Variants in MDFIC2 observed in about 807,000 individuals in gnomAD.
MDFIC2 encodes myoD family inhibitor domain-containing protein 2.
chr3:70,310,023 T>G (rs975143792), intron 2 of MDFIC2, among the ~76,000 whole-genome samples: 1 of 152,208 alleles, frequency 6.6e-6, no homozygotes, highest in African/African-American at 2.4e-5. Flanking sequence ...AATATGAACT[T>G]CACCATAAGT....
chr3:70,213,155 A>G (rs1353289246), intron 2 of MDFIC2, among the ~76,000 whole-genome samples: 1 of 151,488 alleles, frequency 6.6e-6, no homozygotes, highest in African/African-American at 2.4e-5. Flanking sequence ...GTTTTTCTTT[A>G]TAGAGACAGG....
chr3:70,276,634 G>T (rs9863812), intron 2 of MDFIC2, among the ~76,000 whole-genome samples: 94,269 of 151,712 alleles, frequency 0.62, 30,792 homozygotes, highest in Non-Finnish European at 0.74. Flanking sequence ...AATAATCTAA[G>T]GTAGAGGTCG....
rs1397508048 is a variant in MDFIC2, at chr3:70,267,577, TA to T, written c.88+44308del. ...GCCACCATGCCCGGCTAATTTTTTG[TA>T]TTTTTTTTTTTTTTTTTTTAGTAAA... is the stretch of plus-strand genomic sequence containing the variant. On this transcript the variant is annotated intron_variant, in intron 2 of 3. Transcript: ENST00000567252. Among the ~76,000 whole-genome samples the T allele has an allele frequency of 1.1e-4, 9 of 84,846 alleles. 1 individual carries two copies. The highest frequency in any genetic ancestry group is 2.0e-4 in the African/African-American group (4 of 20,272). 55.7% of individuals were successfully genotyped at this position (84,846 alleles called of 152,430 possible).
chr3:70,204,110 C>T (rs1282443004), intron 3 of MDFIC2, among the ~76,000 whole-genome samples: 1 of 152,118 alleles, frequency 6.6e-6, no homozygotes, highest in African/African-American at 2.4e-5. Context: ...CTTTTCCATC[C>T]TGTTTTAAGT....
intron 2 of MDFIC2, among the ~76,000 whole-genome samples, chr3:70,269,457 C>T (rs1043788612): frequency 1.3e-5 from 2 of 152,136 alleles, no homozygotes; most frequent in Non-Finnish European, 2.9e-5. Context: ...TCAAGTAAGG[C>T]AAATGCTGAA....
chr3:70,308,309 C>G (rs1256184159), intron 2 of MDFIC2, among the ~76,000 whole-genome samples: 1 of 151,990 alleles, frequency 6.6e-6, no homozygotes, highest in Non-Finnish European at 1.5e-5. Flanking sequence ...ATCTTCCCAT[C>G]TTCTCCAAAA....
chr3:70,243,736 T>C (rs976098682), intron 2 of MDFIC2, among the ~76,000 whole-genome samples: 1 of 152,106 alleles, frequency 6.6e-6, no homozygotes, highest in Non-Finnish European at 1.5e-5. Context: ...TGGGCATCAC[T>C]GATCTAAAGC....
chr3:70,303,072 TTAAAG>T (rs1702365972), intron 2 of MDFIC2, among the ~76,000 whole-genome samples: 1 of 152,170 alleles, frequency 6.6e-6, no homozygotes, highest in Non-Finnish European at 1.5e-5. Flanking sequence ...GCCAATACAT[TTAAAG>T]TAAGTATTCT....
chr3:70,307,636 C>T (rs773998876), intron 2 of MDFIC2, among the ~76,000 whole-genome samples: 8 of 152,110 alleles, frequency 5.3e-5, no homozygotes, highest in Admixed American at 2.0e-4. Flanking sequence ...CTAAATGTAG[C>T]TGTGTGTATT....
Position 70,311,886 on chromosome 3 carries a change from C to T in MDFIC2, c.88G>A (p.Asp30Asn), listed in dbSNP as rs912849147. The change falls in exon 2 of 4, where the codon GAT (aspartate) becomes AAT (asparagine). Residue 30 changes from aspartate (D) to asparagine (N), a missense_variant and splice_region_variant. Transcript: ENST00000567252. ...DKNNISWLKE[D>N]TQLTNAKHAD... is the part of the protein sequence containing the mutation. ...GAAAATCAAGAGCAAGAAGACTTAC[C>T]TTCTTTCAACCAAGAAATGTTATTT... 5.5e-5 allele frequency: 22 copies of T among 397,516 alleles called. No individual in the cohort carries two copies. The highest frequency in any genetic ancestry group is 9.3e-5 in the Non-Finnish European group (21 of 225,540). 24.6% of individuals were successfully genotyped at this position (397,516 alleles called of 1,614,324 possible).
chr3:70,271,353 A>G (rs938602186), intron 2 of MDFIC2, among the ~76,000 whole-genome samples: 5 of 152,036 alleles, frequency 3.3e-5, no homozygotes. Context: ...GTGGCTACTC[A>G]CCTCCATTGG....
At chr3:70,242,017 C>T (rs1366684308) in intron 2 of MDFIC2, among the ~76,000 whole-genome samples, 1 of 152,164 alleles carries the variant, frequency 6.6e-6, no homozygotes, top group Non-Finnish European at 1.5e-5. Context: ...CTTCTGTGTG[C>T]AACGGCTGAC....
At chr3:70,234,928 C>T (rs143813366) in intron 2 of MDFIC2, among the ~76,000 whole-genome samples, 28 of 152,252 alleles carry the variant, frequency 1.8e-4, no homozygotes, top group African/African-American at 5.1e-4. Context: ...AGAAACCTCA[C>T]GGTTTCCTGA....
intron 2 of MDFIC2, among the ~76,000 whole-genome samples, chr3:70,270,747 A>G (rs1482963772): frequency 1.3e-5 from 2 of 152,198 alleles, no homozygotes; most frequent in African/African-American, 4.8e-5. Flanking sequence ...GACACGGTTG[A>G]AGCTGGAAAC....
chr3:70,230,022 A>C (rs377269023), intron 2 of MDFIC2, among the ~76,000 whole-genome samples: 28 of 152,290 alleles, frequency 1.8e-4, no homozygotes, highest in East Asian at 1.5e-3. Context: ...ATTTTATCAT[A>C]TTAAAAGTGC....
intron 2 of MDFIC2, among the ~76,000 whole-genome samples, chr3:70,234,186 G>A (rs1036373526): frequency 6.6e-6 from 1 of 152,188 alleles, no homozygotes; most frequent in South Asian, 2.1e-4. Flanking sequence ...TTGGGTATGA[G>A]ACAATTCCAC....
intron 2 of MDFIC2, among the ~76,000 whole-genome samples, chr3:70,309,533 A>G (rs1575622416): frequency 1.3e-5 from 2 of 152,328 alleles, no homozygotes; most frequent in East Asian, 3.9e-4. Context: ...TCAGGGAGAT[A>G]AAGTAACATG....
chr3:70,305,822 G>A (rs1470992343), intron 2 of MDFIC2, among the ~76,000 whole-genome samples: 3 of 152,116 alleles, frequency 2.0e-5, no homozygotes, highest in Non-Finnish European at 4.4e-5. Flanking sequence ...CGTCTTATTT[G>A]AACACAAACA....
At chr3:70,284,540 A>G (rs1575615256) in intron 2 of MDFIC2, among the ~76,000 whole-genome samples, 1 of 152,220 alleles carries the variant, frequency 6.6e-6, no homozygotes, top group South Asian at 2.1e-4. Context: ...AATGTGGTAC[A>G]TATACACCAC....
Sources: gnomAD v4.1 joint callset for allele counts (sites outside exome capture counted in the v4.1 genomes callset) on GRCh38, gnomAD v4.1.1 for gene constraint, MANE v1.5 for transcripts, NCBI Gene and HGNC (gene_info 2026-07-23, HGNC 2026-07-21) for gene names.